The following CHD8 variants were observed in gnomAD, a reference collection of about 807,000 sequenced individuals.
CHD8 encodes the protein chromodomain helicase DNA binding protein 8.
A neutral mutation model predicts 279.2 loss-of-function variants in CHD8; 31 were observed. The observed-to-expected ratio is 0.11, with a 90% CI of 0.08 to 0.15. The LOEUF (loss-of-function observed/expected upper bound fraction) is 0.15, where lower values mean the gene tolerates loss of function less well. Ranked by LOEUF, CHD8 falls within the 10% of genes least tolerant of loss-of-function variation. The probability of loss-of-function intolerance (pLI) is 1.00; values close to 1 mark genes in which losing one functional copy is unlikely to be tolerated. For synonymous variants in CHD8, 1,081 were observed against 1,139.6 expected, an observed-to-expected ratio of 0.95 and a Z score of 1.04; for missense variants, 2,146 against 3,230.5, an observed-to-expected ratio of 0.66 and a Z score of 8.14.
At chr14:21,395,154 A>G (rs1887721877) in intron 29 of CHD8, 35 bp from the exon 30 acceptor site, 2 of 1,594,868 alleles carry the variant, frequency 1.3e-6, no homozygotes, top group Admixed American at 1.7e-5. Context: ...TAGGAAGTAT[A>G]GCAAGGGTAG....
At position 21,408,837 on chromosome 14, in the gene CHD8, G is replaced by A. The variant is rs979083692; in HGVS notation, c.2365-12C>T. Reference sequence around the variant, plus strand: ...GCCTGCGGACGATTCTAAAAAACAAGACGTTTGAATAAATGGAGTGGAGAC... The same window carrying A: ...GCCTGCGGACGATTCTAAAAAACAAAACGTTTGAATAAATGGAGTGGAGAC... On this transcript the variant is annotated splice_polypyrimidine_tract_variant and intron_variant, in intron 11 of 37. Coordinates refer to ENST00000646647, the MANE Select transcript of CHD8 (RefSeq NM_001170629.2). The surrounding 1 kb of genome is among the most constrained non-coding windows in gnomAD (Gnocchi z 4.3). The A allele has an allele frequency of 1.9e-6, 3 of 1,601,304 alleles. No homozygotes were observed. The African/African-American group carries it at 4.0e-5, about 21-fold the overall frequency.
In CHD8 at chr14:21,429,135, C is replaced by T. The variant is rs761119865; in HGVS notation, c.1044G>A (p.Gln348=). ...VTIQLQVQQP[Q]QKIQIVPQPP... is the part of the protein sequence containing the mutation. ...GTTGTGGTACAATCTGGATTTTTTG[C>T]TGTGGCTGCTGCACCTGCAGCTGGA... Residue 348 remains glutamine, a synonymous_variant, in exon 3 of 38, where the codon CAG becomes CAA. Coordinates refer to ENST00000646647, the MANE Select transcript of CHD8 (RefSeq NM_001170629.2). 6.2e-7 allele frequency: 1 copy of T among 1,613,994 alleles called. No homozygotes were observed. The highest frequency in any genetic ancestry group is 1.1e-5 in the South Asian group (1 of 91,084).
rs57490567 is a variant in CHD8, at chr14:21,434,249, T to C, written c.-215-2391A>G. On this transcript the variant is annotated intron_variant, in intron 1 of 37. Coordinates refer to ENST00000646647, the MANE Select transcript of CHD8 (RefSeq NM_001170629.2). ...TAGTAGAGACAGGTTTTCGCCACGT[T>C]AGTCAGACTGGTCTCGGACTCTCGA... Among the ~76,000 whole-genome samples, 740 of 152,214 alleles carry C rather than the reference T, an allele frequency of 4.9e-3. 7 individuals carry two copies. Among genetic ancestry groups the C allele is most frequent in the African/African-American group, 0.017 (703 of 41,516 alleles).
rs1888087622 is a variant in CHD8 at position 21,402,622 on chromosome 14, C to G, written c.3715-119G>C. 4.1e-6 allele frequency: 4 copies of G among 968,034 alleles called. No homozygotes were observed. Among genetic ancestry groups the G allele is most frequent in the Admixed American group, 3.1e-5 (1 of 32,284 alleles). The allele number at this position is 968,034 out of a possible 1,614,324, so 60.0% of individuals were successfully genotyped here. A position where few individuals can be genotyped will look rare whatever the true frequency, so the allele number is the denominator to read the frequency against. On this transcript the variant is annotated intron_variant, in intron 18 of 37. Transcript: ENST00000646647. This position sits in a 1 kb window ranked among gnomAD's most constrained non-coding sequence, Gnocchi z 4.5. ...CTATAGAGCAGCCATGAGATCAACT[C>G]AAAACCAAGAGTCAATTTCAAGATG...
intron 26 of CHD8, 77 bp downstream of exon 26, chr14:21,399,525 G>A: frequency 1.0e-6 from 1 of 987,734 alleles, no homozygotes; most frequent in East Asian, 2.4e-5. Flanking sequence ...TTATTTCTCA[G>A]GAGCATTTTG....
intron 5 of CHD8, chr14:21,419,718 C>T (rs976855434): frequency 8.3e-6 from 2 of 241,946 alleles, no homozygotes; most frequent in Admixed American, 5.1e-5. Context: ...AGGACAACCC[C>T]CCAGGGGCAC....
rs1396166097 is a variant in CHD8 at position 21,385,733 on chromosome 14, CTCA to C, written c.7623_7625del (p.Asp2541del). ...ATAAGTCATCATCATCTTCTTCATC[CTCA>C]TCGTCATCCTCCTCAGGTTGCAGTG... On this transcript the variant is annotated inframe_deletion, in exon 38 of 38. Coordinates refer to ENST00000646647, the MANE Select transcript of CHD8 (RefSeq NM_001170629.2). 6.4e-7 allele frequency: 1 copy of C among 1,551,596 alleles called. No individual in the cohort carries two copies.
rs543679263 is a variant in CHD8 at position 21,447,091 on chromosome 14, T to G, written c.-216+8941A>C. On this transcript the variant is annotated intron_variant, in intron 1 of 37. Transcript: ENST00000646647. ...AAGCAATGGCTTCCCTCACTCAGACTGCATGACAACAAAAGGACAGTAGCA... is the reference window on the plus strand; with the variant it reads ...AAGCAATGGCTTCCCTCACTCAGACGGCATGACAACAAAAGGACAGTAGCA... Among the ~76,000 whole-genome samples the G allele has an allele frequency of 1.2e-4, 19 of 152,336 alleles. 1 individual carries two copies. Among genetic ancestry groups the G allele is most frequent in the African/African-American group, 4.3e-4 (18 of 41,588 alleles).
intron 1 of CHD8, among the ~76,000 whole-genome samples, chr14:21,450,262 C>T (rs915365776): frequency 2.0e-5 from 3 of 152,154 alleles, no homozygotes; most frequent in Non-Finnish European, 4.4e-5. Flanking sequence ...TTGGGTGTAT[C>T]TAAATAAGCA....
In CHD8 at chr14:21,408,031, T is replaced by A. The variant is rs985092343; in HGVS notation, c.2730+281A>T. Among the ~76,000 whole-genome samples the A allele has an allele frequency of 1.3e-5, 2 of 152,178 alleles. No homozygotes were observed. The highest frequency in any genetic ancestry group is 2.4e-5 in the African/African-American group (1 of 41,446). ...TTTAATTTTTGTAAAATACTGTGAT[T>A]AAAATTCATTGATGCTGACAAAATT... On this transcript the variant is annotated intron_variant, in intron 13 of 37. Coordinates refer to ENST00000646647, the MANE Select transcript of CHD8 (RefSeq NM_001170629.2). This position sits in a 1 kb window ranked among gnomAD's most constrained non-coding sequence, Gnocchi z 4.3.
At position 21,402,174 on chromosome 14, in the gene CHD8, A is replaced by G; in HGVS notation, c.3883-38T>C. 1 of 1,519,758 alleles carries G rather than the reference A, an allele frequency of 6.6e-7. No homozygotes were observed. Among genetic ancestry groups the G allele is most frequent in the South Asian group, 1.2e-5 (1 of 82,932 alleles). The allele number at this position is 1,519,758 out of a possible 1,614,324, so 94.1% of individuals were successfully genotyped here. A position where few individuals can be genotyped will look rare whatever the true frequency, so the allele number is the denominator to read the frequency against. On this transcript the variant is annotated intron_variant, in intron 19 of 37. Coordinates refer to ENST00000646647, the MANE Select transcript of CHD8 (RefSeq NM_001170629.2). The surrounding 1 kb of genome is among the most constrained non-coding windows in gnomAD (Gnocchi z 4.5). ...ATAGAAAGATGAAAAGACTATCAAG[A>G]GAATAATATCTAACCATGCCATAAT...
chr14:21,442,711 G>C (rs1198731672), intron 1 of CHD8, among the ~76,000 whole-genome samples: 1 of 93,726 alleles, frequency 1.1e-5, no homozygotes, highest in Non-Finnish European at 2.1e-5. Flanking sequence ...GAGGAGAGGA[G>C]AGGAGAAGGG....
At chr14:21,423,329 A>G (rs920917648) in intron 5 of CHD8, among the ~76,000 whole-genome samples, 9 of 152,248 alleles carry the variant, frequency 5.9e-5, no homozygotes, top group African/African-American at 1.9e-4. Context: ...ACATCATCCC[A>G]TAGCAGGAAG....
At position 21,408,447 on chromosome 14, in the gene CHD8, A is replaced by G; in HGVS notation, c.2595T>C (p.Ile865=). 1.2e-6 allele frequency: 2 copies of G among 1,614,032 alleles called. No homozygotes were observed. The highest frequency in any genetic ancestry group is 1.6e-4 in the Middle Eastern group (1 of 6,062). Residue 865 remains isoleucine, a synonymous_variant, in exon 13 of 38, where the codon ATT becomes ATC. Transcript: ENST00000646647. The surrounding 1 kb of genome is among the most constrained non-coding windows in gnomAD (Gnocchi z 4.3). ...AGTTAGTAATTGTGGACAGTGGGGC[A>G]ATGACCAAGAAGGGACCATGGATGC... is the stretch of plus-strand genomic sequence containing the variant. ...NVGIHGPFLV[I]APLSTITNWE...
chr14:21,448,723 AT>A (rs563979717), intron 1 of CHD8, among the ~76,000 whole-genome samples: 3,272 of 146,410 alleles, frequency 0.022, 42 homozygotes, highest in Non-Finnish European at 0.032. Context: ...CACCTGGCTA[AT>A]TTTTTTTTTT....
Position 21,392,623 on chromosome 14 carries a change from T to C in CHD8, c.6655A>G (p.Ser2219Gly). 6.2e-7 allele frequency: 1 copy of C among 1,614,020 alleles called. No individual in the cohort carries two copies. Among genetic ancestry groups the C allele is most frequent in the Non-Finnish European group, 8.5e-7 (1 of 1,179,888 alleles). The change falls in exon 34 of 38, where the codon AGT (serine) becomes GGT (glycine). Residue 2219 changes from serine (S) to glycine (G), a missense_variant. Ser to Gly is a moderately conservative substitution (Grantham distance 56). Around this residue, in one of 26 missense-constraint regions of CHD8, gnomAD observed 513 missense variants for 637.6 expected, o/e 0.80. Coordinates refer to ENST00000646647, the MANE Select transcript of CHD8 (RefSeq NM_001170629.2). ...TCCTCTGCCATGGAAGCTGCACTAC[T>C]ACTTCGTGGTGTGGGGACTGGAGAG... ...GDSPVPTPRS[S>G]SAASMAEEEA...
In CHD8 at chr14:21,405,202, C is replaced by T. The variant is rs767013691; in HGVS notation, c.3307+7G>A. 6.2e-7 allele frequency: 1 copy of T among 1,613,134 alleles called. No individual in the cohort carries two copies. Among genetic ancestry groups the T allele is most frequent in the South Asian group, 1.1e-5 (1 of 90,954 alleles). On this transcript the variant is annotated splice_region_variant and intron_variant, in intron 16 of 37. Transcript: ENST00000646647. This position sits in a 1 kb window ranked among gnomAD's most constrained non-coding sequence, Gnocchi z 4.2. ...GAAGTTCAGGTATATACCAAGCATT[C>T]CCTCACCATTGATGAGATATGGGTG...
chr14:21,428,550 T>A (rs1384552708), intron 3 of CHD8, among the ~76,000 whole-genome samples: 1 of 152,202 alleles, frequency 6.6e-6, no homozygotes, highest in Non-Finnish European at 1.5e-5. Context: ...AATATTGGTC[T>A]CTGGCCTAAC....
At chr14:21,404,254 C>T (rs906133958) in intron 16 of CHD8, among the ~76,000 whole-genome samples, 4 of 151,798 alleles carry the variant, frequency 2.6e-5, no homozygotes, top group African/African-American at 9.7e-5. Context: ...AAAAAATTAG[C>T]TGGGTGTGGT....
Sources: allele counts gnomAD v4.1 joint callset (sites outside exome capture counted in the v4.1 genomes callset), GRCh38; gene constraint gnomAD v4.1.1; regional missense constraint gnomAD v4.1.1; non-coding constraint Gnocchi (gnomAD v3.1); transcripts MANE v1.5; gene names NCBI Gene and HGNC (gene_info 2026-07-23, HGNC 2026-07-21).